The following AGTPBP1 variants were observed in gnomAD, a reference collection of about 807,000 sequenced individuals.
The protein encoded by AGTPBP1 is cytosolic carboxypeptidase 1.
Under a neutral mutation model 143.9 loss-of-function variants are expected in AGTPBP1, and 70 were observed. That is an observed-to-expected ratio of 0.49 (90% CI 0.40 to 0.59). The LOEUF (loss-of-function observed/expected upper bound fraction) is 0.59. AGTPBP1 is among the 20% of genes least tolerant of loss of function. AGTPBP1 has a pLI of 0.00. For synonymous variants in AGTPBP1, 463 were observed against 500.2 expected, an observed-to-expected ratio of 0.93 and a Z score of 0.99; for missense variants, 1,229 against 1,464.5, an observed-to-expected ratio of 0.84 and a Z score of 2.62.
intron 17 of AGTPBP1, among the ~76,000 whole-genome samples, chr9:85,606,712 C>T (rs1343665140): frequency 2.6e-5 from 4 of 151,904 alleles, no homozygotes; most frequent in South Asian, 2.1e-4. Flanking sequence ...CAATGAAATA[C>T]AATGTGGCCA....
chr9:85,710,168 CTT>C (rs1030456906), intron 2 of AGTPBP1, among the ~76,000 whole-genome samples: 1 of 151,778 alleles, frequency 6.6e-6, no homozygotes, highest in Admixed American at 6.6e-5. Flanking sequence ...GAATAGGGCT[CTT>C]TTTTTTAGAA....
chr9:85,582,802 T>C (rs1345890871), intron 23 of AGTPBP1, among the ~76,000 whole-genome samples: 1 of 152,090 alleles, frequency 6.6e-6, no homozygotes, highest in Non-Finnish European at 1.5e-5. Flanking sequence ...AGCATTTATG[T>C]GTATTAGTGC....
chr9:85,795,678 T>A, the AGTPBP1 span, among the ~76,000 whole-genome samples: 1 of 152,022 alleles, frequency 6.6e-6, no homozygotes, highest in Non-Finnish European at 1.5e-5. Context: ...GGCACCTAAC[T>A]TTTAGGGGTA....
At chr9:85,771,131 C>G in the AGTPBP1 span, among the ~76,000 whole-genome samples, 4 of 152,290 alleles carry the variant, frequency 2.6e-5, no homozygotes, top group East Asian at 5.8e-4. Context: ...AATGAGATAA[C>G]TCTTCTCTGA....
intron 3 of AGTPBP1, among the ~76,000 whole-genome samples, chr9:85,682,147 T>A (rs1265268401): frequency 7.7e-6 from 1 of 130,518 alleles, no homozygotes; most frequent in African/African-American, 2.9e-5. Flanking sequence ...ACCCAAATGA[T>A]CCTTTTCCTC....
Position 85,632,823 on chromosome 9 carries a change from T to C in AGTPBP1, c.1854A>G (p.Val618=), listed in dbSNP as rs1393242253. Residue 618 remains valine, a synonymous_variant, in exon 14 of 26, where the codon GTA becomes GTG. Coordinates refer to ENST00000357081, the MANE Select transcript of AGTPBP1 (RefSeq NM_001330701.2). ...NSSVEQASVE[V]PDGPTLHDPD... ...GGTCATGGAGTGTTGGTCCATCAGG[T>C]ACTTCAACCGATGCTTGTTCTACCG... 6 of 1,614,056 alleles carry C rather than the reference T, an allele frequency of 3.7e-6. No individual in the cohort carries two copies. The highest frequency in any genetic ancestry group is 1.3e-5 in the African/African-American group (1 of 74,920).
chr9:85,727,502 G>T (rs943811016), intron 1 of AGTPBP1, among the ~76,000 whole-genome samples: 1 of 152,190 alleles, frequency 6.6e-6, no homozygotes, highest in Non-Finnish European at 1.5e-5. Flanking sequence ...GTGTAAAAAC[G>T]TGGATGAAGA....
At chr9:85,732,210 CTTTTTTTTTTTTTT>C (rs144655182) in intron 1 of AGTPBP1, among the ~76,000 whole-genome samples, 1 of 120,988 alleles carries the variant, frequency 8.3e-6, no homozygotes, top group Non-Finnish European at 1.7e-5. Flanking sequence ...GACTATGACC[CTTTTTTTTTTTTTT>C]TTTTTTTTGA....
At chr9:85,615,386 G>A (rs1830549710) in intron 17 of AGTPBP1, among the ~76,000 whole-genome samples, 1 of 152,026 alleles carries the variant, frequency 6.6e-6, no homozygotes, top group Admixed American at 6.5e-5. Context: ...CTGCAAGACA[G>A]CTTATAATTT....
At chr9:85,551,020 T>C (rs1010882436) in intron 25 of AGTPBP1, among the ~76,000 whole-genome samples, 2 of 152,060 alleles carry the variant, frequency 1.3e-5, no homozygotes, top group African/African-American at 4.8e-5. Context: ...TCACTCTGTG[T>C]TCATGCGAGA....
chr9:85,607,498 T>C (rs756751649), intron 17 of AGTPBP1, among the ~76,000 whole-genome samples: 3 of 152,094 alleles, frequency 2.0e-5, no homozygotes, highest in Non-Finnish European at 4.4e-5. Context: ...TGATATAGTA[T>C]GGAAAGCCTA....
the AGTPBP1 span, among the ~76,000 whole-genome samples, chr9:85,750,856 C>T: frequency 6.6e-6 from 1 of 152,218 alleles, no homozygotes; most frequent in Admixed American, 6.5e-5. Flanking sequence ...ACTGAGGCTA[C>T]TAGGCATTCC....
chr9:85,660,107 C>T (rs1833763579), intron 9 of AGTPBP1, among the ~76,000 whole-genome samples: 1 of 151,446 alleles, frequency 6.6e-6, no homozygotes, highest in Admixed American at 6.6e-5. Context: ...AGAGTTCTGG[C>T]AATTAAAATG....
At chr9:85,684,535 T>A (rs974463453) in intron 3 of AGTPBP1, among the ~76,000 whole-genome samples, 1 of 152,040 alleles carries the variant, frequency 6.6e-6, no homozygotes, top group Non-Finnish European at 1.5e-5. Flanking sequence ...TCCCCCTCTA[T>A]TTCCCTCTTT....
chr9:85,795,408 G>T, the AGTPBP1 span, among the ~76,000 whole-genome samples: 1 of 152,160 alleles, frequency 6.6e-6, no homozygotes, highest in Non-Finnish European at 1.5e-5. Context: ...AATGCTAAAA[G>T]AAACAAAGCT....
chr9:85,680,583 C>CA (rs1229535602), intron 4 of AGTPBP1, among the ~76,000 whole-genome samples: 53 of 103,014 alleles, frequency 5.1e-4, no homozygotes, highest in South Asian at 8.9e-4. Flanking sequence ...GACTCTGTCT[C>CA]AAAAAAAAAA....
chr9:85,618,556 C>CT (rs963526844), intron 17 of AGTPBP1, among the ~76,000 whole-genome samples: 91 of 145,556 alleles, frequency 6.3e-4, no homozygotes, highest in South Asian at 1.1e-3. Flanking sequence ...TTATTCCACA[C>CT]TTTTTTTTTT....
the AGTPBP1 span, among the ~76,000 whole-genome samples, chr9:85,788,315 T>C: frequency 1.3e-5 from 2 of 150,460 alleles, no homozygotes; most frequent in Non-Finnish European, 3.0e-5. Flanking sequence ...TGTATATTTA[T>C]ATATAAATAT....
chr9:85,740,898 T>C (rs1324358939), intron 1 of AGTPBP1, among the ~76,000 whole-genome samples: 1 of 152,172 alleles, frequency 6.6e-6, no homozygotes, highest in Non-Finnish European at 1.5e-5. Flanking sequence ...GGGCTTTAAA[T>C]TATCAACATT....
Sources: allele counts gnomAD v4.1 joint callset (sites outside exome capture counted in the v4.1 genomes callset), GRCh38; gene constraint gnomAD v4.1.1; transcripts MANE v1.5; gene names NCBI Gene and HGNC (gene_info 2026-07-23, HGNC 2026-07-21).